The following OGDH variants were observed in gnomAD, a reference collection of about 807,000 sequenced individuals.
OGDH encodes oxoglutarate dehydrogenase.
In OGDH, 38 loss-of-function variants were observed where a neutral mutation model predicts 116.6. That is an observed-to-expected ratio of 0.33 (90% CI 0.25 to 0.43). The LOEUF (loss-of-function observed/expected upper bound fraction) is 0.43, where lower values mean the gene tolerates loss of function less well. Among genes scored for constraint, OGDH ranks in the 20% least tolerant of loss-of-function variants. The pLI is 1.00. For synonymous variants in OGDH, 488 were observed against 533.3 expected, an observed-to-expected ratio of 0.92 and a Z score of 1.17; for missense variants, 825 against 1,357.2, an observed-to-expected ratio of 0.61 and a Z score of 6.16.
At chr7:44,674,755 G>T in intron 7 of OGDH, 198 bp downstream of exon 7, 1 of 613,556 alleles carries the variant, frequency 1.6e-6, no homozygotes, top group Admixed American at 3.0e-5. Context: ...GCAAAGTCAT[G>T]GTCACCTCCA....
chr7:44,645,261 G>A, intron 2 of OGDH, 66 bp from the exon 3 acceptor site: 1 of 1,458,494 alleles, frequency 6.9e-7, no homozygotes, highest in East Asian at 2.3e-5. Context: ...GCAGTTCTCT[G>A]TGGCCACAGA....
chr7:44,632,189 T>C (rs948559949), intron 2 of OGDH, among the ~76,000 whole-genome samples: 7 of 151,174 alleles, frequency 4.6e-5, no homozygotes, highest in African/African-American at 1.7e-4. Flanking sequence ...GCAGGAGGAG[T>C]TGGGATCCCC....
At chr7:44,639,452 G>T (rs938381133) in intron 2 of OGDH, among the ~76,000 whole-genome samples, 6 of 152,184 alleles carry the variant, frequency 3.9e-5, no homozygotes, top group Non-Finnish European at 5.9e-5. Flanking sequence ...TGCCACATCT[G>T]TTGGGAGGTG....
chr7:44,635,035 C>A (rs1003247128), intron 2 of OGDH, among the ~76,000 whole-genome samples: 9 of 152,208 alleles, frequency 5.9e-5, no homozygotes, highest in African/African-American at 2.2e-4. Flanking sequence ...AGGACCATTT[C>A]CTGGGCAGCA....
rs1787892560 is a variant in OGDH, at chr7:44,680,658, C to A, written c.1207-1062C>A. On this transcript the variant is annotated intron_variant, in intron 9 of 22. Coordinates refer to ENST00000222673, the MANE Select transcript of OGDH (RefSeq NM_002541.4). ...GGAATGGGCCTAGAAATGATGATATCCTGGCAGTGATGAGCACACAAATAC... is the reference window on the plus strand; with the variant it reads ...GGAATGGGCCTAGAAATGATGATATACTGGCAGTGATGAGCACACAAATAC... 2.6e-5 allele frequency among the ~76,000 whole-genome samples: 4 copies of A among 152,068 alleles called. No individual in the cohort carries two copies. The Middle Eastern group carries it at 0.01, about 388-fold the overall frequency.
chr7:44,695,155 G>A (rs1049002908), intron 12 of OGDH, among the ~76,000 whole-genome samples: 17 of 152,092 alleles, frequency 1.1e-4, no homozygotes, highest in Non-Finnish European at 2.2e-4. Flanking sequence ...GAGTGCCGTG[G>A]CATGATCTTA....
chr7:44,656,382 T>G, intron 4 of OGDH: 4 of 1,535,304 alleles, frequency 2.6e-6, no homozygotes, highest in Non-Finnish European at 2.6e-6. Context: ...TAATGAGCTT[T>G]TCACCTTTTC....
Position 44,708,022 on chromosome 7 carries a change from C to T in OGDH, c.*23C>T. On this transcript the variant is annotated 3_prime_UTR_variant, in exon 23 of 23. Transcript: ENST00000222673. ...TAGATGCTGCCTAGGGTTGCTTGGGCCACTGCCCTCTCCACACCCATGACT... is the reference window on the plus strand; with the variant it reads ...TAGATGCTGCCTAGGGTTGCTTGGGTCACTGCCCTCTCCACACCCATGACT... The T allele has an allele frequency of 6.2e-7, 1 of 1,606,990 alleles. No homozygotes were observed. Among genetic ancestry groups the T allele is most frequent in the South Asian group, 1.1e-5 (1 of 90,608 alleles).
chr7:44,633,158 CAGG>C (rs1195690697), intron 2 of OGDH, among the ~76,000 whole-genome samples: 4 of 145,962 alleles, frequency 2.7e-5, no homozygotes, highest in African/African-American at 1.0e-4. Context: ...GAAGCTGAGG[CAGG>C]AGAATGGCGT....
intron 10 of OGDH, among the ~76,000 whole-genome samples, chr7:44,683,985 A>G (rs1228702580): frequency 1.3e-5 from 2 of 152,234 alleles, no homozygotes; most frequent in Non-Finnish European, 2.9e-5. Context: ...CAGGGGGCTC[A>G]TAGACAGTGC....
intron 10 of OGDH, among the ~76,000 whole-genome samples, chr7:44,693,136 G>T (rs187605262): frequency 6.6e-6 from 1 of 151,996 alleles, no homozygotes; most frequent in African/African-American, 2.4e-5. Flanking sequence ...GTGAAACCCC[G>T]TCTCTACTAA....
At chr7:44,617,701 G>A (rs867949664) in intron 1 of OGDH, among the ~76,000 whole-genome samples, 5 of 152,298 alleles carry the variant, frequency 3.3e-5, no homozygotes, top group Middle Eastern at 3.4e-3. Context: ...TGATTCATCA[G>A]AAGAATTGAG....
At chr7:44,692,666 G>A (rs1451637789) in intron 10 of OGDH, among the ~76,000 whole-genome samples, 1 of 152,152 alleles carries the variant, frequency 6.6e-6, no homozygotes, top group Non-Finnish European at 1.5e-5. Context: ...AAATTTAAAT[G>A]CAAACCATAA....
rs1347109381 is a variant in OGDH at position 44,697,912 on chromosome 7, T to G, written c.2358+130T>G. 3 of 1,142,494 alleles carry G rather than the reference T, an allele frequency of 2.6e-6. No homozygotes were observed. The highest frequency in any genetic ancestry group is 2.4e-6 in the Non-Finnish European group (2 of 825,076). The allele number at this position is 1,142,494 out of a possible 1,614,324, so 70.8% of individuals were successfully genotyped here. On this transcript the variant is annotated intron_variant, in intron 17 of 22. Coordinates refer to ENST00000222673, the MANE Select transcript of OGDH (RefSeq NM_002541.4). This position sits in a 1 kb window ranked among gnomAD's most constrained non-coding sequence, Gnocchi z 6.0. The stretch of plus-strand genomic sequence containing the variant: ...CTAAGGACTCTGCTGGTGCTTCCCA[T>G]CCATCTCAGATGGGATGTCACTTCA...
chr7:44,662,268 T>C (rs960813743), intron 4 of OGDH, among the ~76,000 whole-genome samples: 2 of 152,086 alleles, frequency 1.3e-5, no homozygotes, highest in Admixed American at 6.6e-5. Flanking sequence ...CTGTTTAAAA[T>C]ACTTCCTTTG....
At chr7:44,663,569 G>A (rs1343649687) in intron 4 of OGDH, among the ~76,000 whole-genome samples, 2 of 152,228 alleles carry the variant, frequency 1.3e-5, no homozygotes, top group Non-Finnish European at 2.9e-5. Flanking sequence ...AGGAGTTCTA[G>A]ACCAGCTTGG....
At chr7:44,691,139 G>A (rs1395775887) in intron 10 of OGDH, among the ~76,000 whole-genome samples, 3 of 152,160 alleles carry the variant, frequency 2.0e-5, no homozygotes, top group Non-Finnish European at 4.4e-5. Flanking sequence ...TAACTTCTTA[G>A]CTGAGTCTCT....
In OGDH at chr7:44,624,312, T is replaced by TTTTA; in HGVS notation, c.-27-5_-27-4insTTTA. 3.3e-5 allele frequency: 42 copies of TTTTA among 1,255,810 alleles called. No homozygotes were observed. The highest frequency in any genetic ancestry group is 1.2e-4 in the South Asian group (9 of 72,592). The allele number at this position is 1,255,810 out of a possible 1,614,324, so 77.8% of individuals were successfully genotyped here. A position where few individuals can be genotyped will look rare whatever the true frequency, so the allele number is the denominator to read the frequency against. ...TCTTGTTTTTTTTTTTTTTTTTTTG[T>TTTTA]ACAGGCAGTTGTGAAAAACTTCAGG... On this transcript the variant is annotated splice_region_variant and splice_polypyrimidine_tract_variant and intron_variant, in intron 1 of 22. Transcript: ENST00000222673.
intron 10 of OGDH, among the ~76,000 whole-genome samples, chr7:44,691,505 C>T (rs938698898): frequency 6.7e-6 from 1 of 148,756 alleles, no homozygotes; most frequent in Admixed American, 6.8e-5. Flanking sequence ...ACGTTCCAGC[C>T]TGGGCAACAG....
Sources: allele counts gnomAD v4.1 joint callset (sites outside exome capture counted in the v4.1 genomes callset), GRCh38; gene constraint gnomAD v4.1.1; non-coding constraint Gnocchi (gnomAD v3.1); transcripts MANE v1.5; gene names NCBI Gene and HGNC (gene_info 2026-07-23, HGNC 2026-07-21).